Variants in AGA observed in about 807,000 individuals in gnomAD.
AGA encodes the protein aspartylglucosaminidase.
Under a neutral mutation model 40.1 loss-of-function variants are expected in AGA, and 31 were observed. The ratio of observed to expected loss-of-function variants is 0.77; its 90% CI spans 0.58 to 1.04. The LOEUF (loss-of-function observed/expected upper bound fraction) is 1.04, where lower values mean the gene tolerates loss of function less well. Ranked by LOEUF, AGA falls within the 50% of genes least tolerant of loss-of-function variation. The probability of loss-of-function intolerance (pLI) is 0.00; values close to 1 mark genes in which losing one functional copy is unlikely to be tolerated. For missense variants in AGA, 445 were observed against 435.4 expected (o/e 1.02, Z -0.20); for synonymous variants, 148 against 144.0 (o/e 1.03, Z -0.20).
chr4:177,431,311 G>A lies in AGA; in HGVS notation c.*397C>T, dbSNP rs779888147. ...TCAGGACTGATCATGCTGAGACTCTGCTGTTTTTTTCTTTGGGTCTAAAAA... is the reference window on the plus strand; with the variant it reads ...TCAGGACTGATCATGCTGAGACTCTACTGTTTTTTTCTTTGGGTCTAAAAA... On this transcript the variant is annotated 3_prime_UTR_variant, in exon 9 of 9. Coordinates refer to ENST00000264595, the MANE Select transcript of AGA (RefSeq NM_000027.4). 9 of 448,400 alleles carry A rather than the reference G, an allele frequency of 2.0e-5. No homozygotes were observed. The highest frequency in any genetic ancestry group is 1.4e-4 in the South Asian group (9 of 62,348). The allele number at this position is 448,400 out of a possible 1,614,324, so 27.8% of individuals were successfully genotyped here.
intron 1 of AGA, among the ~76,000 whole-genome samples, chr4:177,441,914 G>T (rs549671789): frequency 6.6e-6 from 1 of 152,228 alleles, no homozygotes; most frequent in African/African-American, 2.4e-5. Context: ...CCCGTGAAAA[G>T]ACTGTCAGGC....
At chr4:177,439,870 A>T (rs1736939763) in intron 2 of AGA, among the ~76,000 whole-genome samples, 182 bp from the exon 3 acceptor site, 1 of 152,216 alleles carries the variant, frequency 6.6e-6, no homozygotes, top group Non-Finnish European at 1.5e-5. Context: ...AAGGAAAAAA[A>T]ATAGAAAATC....
At chr4:177,434,591 C>G (rs576636102) in intron 6 of AGA, 102 bp from the exon 7 acceptor site, 2 of 931,800 alleles carry the variant, frequency 2.1e-6, no homozygotes, top group Non-Finnish European at 3.5e-6. Flanking sequence ...GCCTCTGATA[C>G]CGTTTTAAGT....
rs1290123495 is a variant in AGA, at chr4:177,438,778, C to A, written c.474G>T (p.Trp158Cys). ...TTASQALHSD[W>C]LARNCQPNYW... The stretch of plus-strand genomic sequence containing the variant: ...AATTTGGCTGGCAATTCCGAGCAAG[C>A]CAATCTGAATGAAGAGCTTGAGAAG... Residue 158 changes from tryptophan to cysteine, a missense_variant, in exon 4 of 9, where the codon TGG (tryptophan) becomes TGT (cysteine). By Grantham distance (215) the Trp-to-Cys change is radical. Coordinates refer to ENST00000264595, the MANE Select transcript of AGA (RefSeq NM_000027.4). 2 of 1,609,564 alleles carry A rather than the reference C, an allele frequency of 1.2e-6. No individual in the cohort carries two copies. The highest frequency in any genetic ancestry group is 1.7e-5 in the Admixed American group (1 of 60,000).
chr4:177,436,419 A>AATTGT, intron 5 of AGA, 68 bp from the exon 6 acceptor site: 1 of 984,060 alleles, frequency 1.0e-6, no homozygotes, highest in Non-Finnish European at 1.5e-6. Context: ...CAAATAATTG[A>AATTGT]GCAACTGGTA....
At chr4:177,440,514 T>G in intron 1 of AGA, 88 bp from the exon 2 acceptor site, 2 of 1,424,194 alleles carry the variant, frequency 1.4e-6, no homozygotes, top group Non-Finnish European at 1.9e-6. Context: ...TTTAACAACT[T>G]TTTCACATTT....
chr4:177,436,748 G>A (rs1579042595), intron 5 of AGA, among the ~76,000 whole-genome samples: 1 of 152,200 alleles, frequency 6.6e-6, no homozygotes, highest in African/African-American at 2.4e-5. Flanking sequence ...TTGTTTATAA[G>A]CCATCCAGTC....
In AGA at chr4:177,431,694, A is replaced by G; in HGVS notation, c.*14T>C. ...CTTTCTTCTTTAAATACAGATGTTG[A>G]CAGTAAAGATGGATTAGATGCAGTC... is the stretch of plus-strand genomic sequence containing the variant. On this transcript the variant is annotated 3_prime_UTR_variant, in exon 9 of 9. Coordinates refer to ENST00000264595, the MANE Select transcript of AGA (RefSeq NM_000027.4). The G allele has an allele frequency of 6.3e-7, 1 of 1,587,930 alleles. No individual in the cohort carries two copies. The highest frequency in any genetic ancestry group is 8.6e-7 in the Non-Finnish European group (1 of 1,156,364).
Position 177,442,423 on chromosome 4 carries a change from G to C in AGA, c.-48C>G, listed in dbSNP as rs1482793025. 1 of 1,612,720 alleles carries C rather than the reference G, an allele frequency of 6.2e-7. No homozygotes were observed. The highest frequency in any genetic ancestry group is 1.7e-5 in the Admixed American group (1 of 59,956). ...CGCGAGAAAAGTCCCGGCAGCCAGC[G>C]ATCGCCGAACAATTAATCCCCAGTG... is the stretch of plus-strand genomic sequence containing the variant. On this transcript the variant is annotated 5_prime_UTR_variant, in exon 1 of 9. The change creates a new upstream start codon in the 5' untranslated region. Coordinates refer to ENST00000264595, the MANE Select transcript of AGA (RefSeq NM_000027.4).
Position 177,431,497 on chromosome 4 carries a change from A to G in AGA, c.*211T>C, listed in dbSNP as rs997031628. ...ATATACAAAATACAGCCACATACATATTCATCTTCAGATAATATAAGAAAG... is the reference window on the plus strand; with the variant it reads ...ATATACAAAATACAGCCACATACATGTTCATCTTCAGATAATATAAGAAAG... On this transcript the variant is annotated 3_prime_UTR_variant, in exon 9 of 9. Transcript: ENST00000264595. 1.6e-5 allele frequency: 10 copies of G among 616,138 alleles called. No individual in the cohort carries two copies. Among genetic ancestry groups the G allele is most frequent in the African/African-American group, 3.7e-5 (2 of 54,090 alleles). 38.2% of individuals were successfully genotyped at this position (616,138 alleles called of 1,614,324 possible). A position where few individuals can be genotyped will look rare whatever the true frequency, so the allele number is the denominator to read the frequency against.
In AGA at chr4:177,437,430, TTC is replaced by T; in HGVS notation, c.595_596del (p.Glu199ArgfsTer2). ...CAATAGTGTCATGACCACGATCATC[TTC>T]TGTTTCTTTATGGATAGGAATATCC... ...KQDIPIHKET[E>X]DDRGHDTIGM... On this transcript the variant is annotated frameshift_variant, in exon 5 of 9. Coordinates refer to ENST00000264595, the MANE Select transcript of AGA (RefSeq NM_000027.4). LOFTEE classifies it high-confidence loss of function. 1 of 1,612,890 alleles carries T rather than the reference TTC, an allele frequency of 6.2e-7. No individual in the cohort carries two copies. The highest frequency in any genetic ancestry group is 8.5e-7 in the Non-Finnish European group (1 of 1,178,982).
At chr4:177,432,281 T>A (rs1239578982) in intron 8 of AGA, among the ~76,000 whole-genome samples, 2 of 152,130 alleles carry the variant, frequency 1.3e-5, no homozygotes, top group African/African-American at 4.8e-5. Context: ...CATCTTCTCA[T>A]GCTCAAACAC....
intron 4 of AGA, 37 bp from the exon 5 acceptor site, chr4:177,437,556 G>A: frequency 6.8e-7 from 1 of 1,477,112 alleles, no homozygotes; most frequent in Non-Finnish European, 9.4e-7. Flanking sequence ...CTTACAAAGG[G>A]TATTTTTAGA....
At chr4:177,434,270 T>C in intron 7 of AGA, 112 bp downstream of exon 7, 1 of 989,590 alleles carries the variant, frequency 1.0e-6, no homozygotes, top group Non-Finnish European at 1.6e-6. Flanking sequence ...CCCAAAATGC[T>C]AGGATTACAG....
chr4:177,440,118 A>G, intron 2 of AGA, 155 bp downstream of exon 2: 1 of 857,650 alleles, frequency 1.2e-6, no homozygotes, highest in Non-Finnish European at 1.8e-6. Context: ...TTTTTTTTTC[A>G]GTTGAGAGGG....
In AGA at chr4:177,438,839, C is replaced by T. The variant is rs1226029954; in HGVS notation, c.413G>A (p.Ser138Asn). 1.3e-6 allele frequency: 2 copies of T among 1,596,456 alleles called. No individual in the cohort carries two copies. The highest frequency in any genetic ancestry group is 1.1e-5 in the South Asian group (1 of 90,694). Residue 138 changes from serine (S) to asparagine (N), a missense_variant, in exon 4 of 9, where the codon AGT (serine) becomes AAT (asparagine). Coordinates refer to ENST00000264595, the MANE Select transcript of AGA (RefSeq NM_000027.4). ...VGESATTFAQ[S>N]MGFINEDLST... Reference sequence around the variant, plus strand: ...TAAGTCTTCATTGATAAACCCCATACTTTGAGCAAATGTGGTGGCTGGAGA... The same window carrying T: ...TAAGTCTTCATTGATAAACCCCATATTTTGAGCAAATGTGGTGGCTGGAGA...
chr4:177,432,653 A>T (rs867324309), intron 8 of AGA, among the ~76,000 whole-genome samples: 19 of 152,320 alleles, frequency 1.2e-4, no homozygotes, highest in Middle Eastern at 3.4e-3. Context: ...AAAATTCACT[A>T]ATGAGAATCA....
At position 177,442,333 on chromosome 4, in the gene AGA, G is replaced by C. The variant is rs149921310; in HGVS notation, c.43C>G (p.Leu15Val). Residue 15 changes from leucine (L) to valine (V), a missense_variant, in exon 1 of 9, where the codon CTG (leucine) becomes GTG (valine). By Grantham distance (32) the Leu-to-Val change is conservative. Transcript: ENST00000264595. The part of the protein sequence containing the change: ...SNLPVLLVPF[L>V]LCQALVRCSS... ...CAGCGCACTAGGGCCTGGCAGAGCA[G>C]AAACGGCACGAGAAGCACAGGCAAG... 1.2e-6 allele frequency: 2 copies of C among 1,614,018 alleles called. No homozygotes were observed. Among genetic ancestry groups the C allele is most frequent in the African/African-American group, 1.3e-5 (1 of 74,946 alleles).
chr4:177,436,940 T>A (rs185933266), intron 5 of AGA: 2 of 215,398 alleles, frequency 9.3e-6, no homozygotes, highest in East Asian at 2.4e-4. Context: ...ACTTCCACCT[T>A]GGGATGGCCC....
Sources: allele counts gnomAD v4.1 joint callset (sites outside exome capture counted in the v4.1 genomes callset), GRCh38; gene constraint gnomAD v4.1.1; transcripts MANE v1.5; gene names NCBI Gene and HGNC (gene_info 2026-07-23, HGNC 2026-07-21).